DNAH5: variants seen among roughly 807,000 people sequenced by gnomAD.
DNAH5 encodes dynein axonemal heavy chain 5.
A neutral mutation model predicts 518.2 loss-of-function variants in DNAH5; 372 were observed. That is an observed-to-expected ratio of 0.72 (90% CI 0.66 to 0.78). The LOEUF is 0.78. DNAH5 is among the 30% of genes least tolerant of loss of function. DNAH5 has a pLI of 0.00. For missense variants in DNAH5, 5,523 were observed against 5,687.0 expected, an observed-to-expected ratio of 0.97 and a Z score of 0.93; for synonymous variants, 2,039 against 2,025.9, an observed-to-expected ratio of 1.01 and a Z score of -0.17.
intron 76 of DNAH5, among the ~76,000 whole-genome samples, chr5:13,702,196 A>G (rs771768578): frequency 3.3e-5 from 5 of 152,236 alleles, no homozygotes; most frequent in Non-Finnish European, 5.9e-5. Flanking sequence ...ATCATAGATT[A>G]TAACATTTTA....
chr5:13,814,570 C>A (rs969611587), intron 43 of DNAH5, 35 bp downstream of exon 43: 1 of 1,608,380 alleles, frequency 6.2e-7, no homozygotes. Flanking sequence ...ATCTGTTTTC[C>A]TTTTTAATTA....
chr5:13,881,362 G>C (rs1405423282), intron 21 of DNAH5, among the ~76,000 whole-genome samples: 1 of 151,952 alleles, frequency 6.6e-6, no homozygotes, highest in Non-Finnish European at 1.5e-5. Flanking sequence ...AGTGCACACA[G>C]AACATTCTCT....
chr5:13,886,767 T>C (rs1291028671), intron 17 of DNAH5, among the ~76,000 whole-genome samples: 2 of 152,212 alleles, frequency 1.3e-5, no homozygotes, highest in Non-Finnish European at 2.9e-5. Flanking sequence ...TCTTTAAACT[T>C]ATACGGCTTG....
intron 47 of DNAH5, among the ~76,000 whole-genome samples, chr5:13,805,122 A>C (rs1314812124): frequency 6.6e-6 from 1 of 152,168 alleles, no homozygotes; most frequent in Admixed American, 6.5e-5. Flanking sequence ...ACTCATCACC[A>C]GCCATGTGAT....
At chr5:13,693,472 A>G (rs1324261813) in intron 78 of DNAH5, among the ~76,000 whole-genome samples, 1 of 152,262 alleles carries the variant, frequency 6.6e-6, no homozygotes, top group East Asian at 1.9e-4. Context: ...TATTAGAAGA[A>G]GTGAAACGTT....
At chr5:13,859,737 G>C in intron 29 of DNAH5, 132 bp from the exon 30 acceptor site, 1 of 831,562 alleles carries the variant, frequency 1.2e-6, no homozygotes, top group Admixed American at 2.1e-5. Flanking sequence ...GGCTTTTAAA[G>C]TGATGCAACC....
intron 1 of DNAH5, among the ~76,000 whole-genome samples, chr5:13,952,055 AAG>A (rs1780456977): frequency 6.7e-6 from 1 of 148,780 alleles, no homozygotes; most frequent in Non-Finnish European, 1.5e-5. Context: ...TTGTTGACTC[AAG>A]AGACATCTTC....
chr5:13,866,137 T>C, intron 26 of DNAH5, 83 bp downstream of exon 26: 1 of 1,326,510 alleles, frequency 7.5e-7, no homozygotes. Context: ...GGGCCCTCTA[T>C]CTTACAAAGA....
rs763771549 is a variant in DNAH5, at chr5:13,901,323, G to T, written c.1981C>A (p.Arg661Ser). The stretch of plus-strand genomic sequence containing the variant: ...ACCTTGGCCATCCTGTTGTAACTGC[G>T]AATTATAGGTTTGGCTTCTGCCGTG... ...LSTAEAKPII[R>S]SYNRMAKVLL... Residue 661 changes from arginine to serine, a missense_variant, in exon 14 of 79, where the codon CGC becomes AGC. Physicochemically the swap from Arg to Ser is moderately radical, Grantham distance 110 (BLOSUM62 -1). Transcript: ENST00000265104. The T allele has an allele frequency of 6.2e-7, 1 of 1,614,146 alleles. No individual in the cohort carries two copies. The highest frequency in any genetic ancestry group is 1.7e-5 in the Admixed American group (1 of 60,022).
Position 13,794,057 on chromosome 5 carries a change from C to G in DNAH5, c.7889G>C (p.Arg2630Thr). ...SSATTPLMFQ[R>T]TIESYVDKRM... ...TTTATCCACATAGCTCTCTATCGTCCTCTGTGAAAAAAAAATCAACTGAAA... is the reference window on the plus strand; with the variant it reads ...TTTATCCACATAGCTCTCTATCGTCGTCTGTGAAAAAAAAATCAACTGAAA... The change falls in exon 48 of 79, where the codon AGG becomes ACG. Residue 2630 changes from arginine to threonine, a missense_variant and splice_region_variant. This residue lies in a region of DNAH5 where 5,121 missense variants were observed against 5,223.3 expected (regional missense o/e 0.98). Coordinates refer to ENST00000265104, the MANE Select transcript of DNAH5 (RefSeq NM_001369.3). 6.2e-7 allele frequency: 1 copy of G among 1,613,906 alleles called. No homozygotes were observed. Among genetic ancestry groups the G allele is most frequent in the South Asian group, 1.1e-5 (1 of 91,070 alleles).
intron 22 of DNAH5, among the ~76,000 whole-genome samples, chr5:13,875,908 T>C (rs1770820993): frequency 6.6e-6 from 1 of 152,140 alleles, no homozygotes; most frequent in African/African-American, 2.4e-5. Context: ...CTTTTCAGAG[T>C]GCTTTCAAAT....
intron 22 of DNAH5, among the ~76,000 whole-genome samples, chr5:13,876,000 CATT>C (rs1230736280): frequency 3.3e-5 from 5 of 152,062 alleles, no homozygotes; most frequent in Non-Finnish European, 7.4e-5. Context: ...CACTGGGAAA[CATT>C]ATTAACAAGT....
chr5:13,882,324 G>A (rs573230197), intron 21 of DNAH5, among the ~76,000 whole-genome samples: 9 of 149,372 alleles, frequency 6.0e-5, no homozygotes, highest in African/African-American at 1.2e-4. Context: ...GCATTACCCC[G>A]ATACCAAAGC....
At chr5:13,751,597 C>T (rs960829719) in intron 64 of DNAH5, among the ~76,000 whole-genome samples, 3 of 152,166 alleles carry the variant, frequency 2.0e-5, no homozygotes, top group African/African-American at 7.2e-5. Context: ...TGATGCTACA[C>T]ATGCACCGAA....
At chr5:13,812,250 T>C (rs1178646583) in intron 43 of DNAH5, among the ~76,000 whole-genome samples, 1 of 152,084 alleles carries the variant, frequency 6.6e-6, no homozygotes, top group African/African-American at 2.4e-5. Flanking sequence ...TATATGGAAA[T>C]AACTCAGGGG....
chr5:13,872,155 C>T (rs1358345017), intron 22 of DNAH5, among the ~76,000 whole-genome samples: 2 of 152,174 alleles, frequency 1.3e-5, no homozygotes, highest in East Asian at 1.9e-4. Flanking sequence ...TCCCCCCTCC[C>T]CTCAGATCTC....
rs1174669007 is a variant in DNAH5, at chr5:13,859,533, C to T, written c.4869G>A (p.Glu1623=). Residue 1623 remains glutamate (E), a synonymous_variant, in exon 30 of 79, where the codon GAG becomes GAA. Coordinates refer to ENST00000265104, the MANE Select transcript of DNAH5 (RefSeq NM_001369.3). ...ACAGGTTTTGCACCGTCATCCAGCTCTCGATGATGTCTGTTGAGTTGGAAA... is the reference window on the plus strand; with the variant it reads ...ACAGGTTTTGCACCGTCATCCAGCTTTCGATGATGTCTGTTGAGTTGGAAA... ...QYLSNSTDII[E]SWMTVQNLWI... 1 of 1,614,102 alleles carries T rather than the reference C, an allele frequency of 6.2e-7. No homozygotes were observed. Among genetic ancestry groups the T allele is most frequent in the Admixed American group, 1.7e-5 (1 of 60,010 alleles).
intron 1 of DNAH5, among the ~76,000 whole-genome samples, chr5:13,938,271 T>A (rs1779134147): frequency 6.6e-6 from 1 of 152,148 alleles, no homozygotes; most frequent in Admixed American, 6.6e-5. Flanking sequence ...TACCATCAGA[T>A]GGTCAGTAGC....
chr5:13,832,900 G>A (rs10052431), intron 35 of DNAH5, among the ~76,000 whole-genome samples: 62,880 of 151,922 alleles, frequency 0.41, 13,441 homozygotes, highest in East Asian at 0.61. Context: ...TCTATCACCA[G>A]CATTCATCGT....
Sources: allele counts gnomAD v4.1 joint callset (sites outside exome capture counted in the v4.1 genomes callset), GRCh38; gene constraint gnomAD v4.1.1; regional missense constraint gnomAD v4.1.1; transcripts MANE v1.5; gene names NCBI Gene and HGNC (gene_info 2026-07-23, HGNC 2026-07-21).